TMC7: variants seen among roughly 807,000 people sequenced by gnomAD.
TMC7 encodes the protein transmembrane channel like 7.
In TMC7, 54 loss-of-function variants were observed where a neutral mutation model predicts 82.9. The ratio of observed to expected loss-of-function variants is 0.65; its 90% CI spans 0.52 to 0.82. The LOEUF (loss-of-function observed/expected upper bound fraction) is 0.82. TMC7 is among the 40% of genes least tolerant of loss of function. TMC7 has a pLI of 0.00. For synonymous variants in TMC7, 350 were observed against 337.9 expected, an observed-to-expected ratio of 1.04 and a Z score of -0.39; for missense variants, 820 against 901.2, an observed-to-expected ratio of 0.91 and a Z score of 1.15.
At chr16:19,024,152 C>T (rs925364476) in intron 5 of TMC7, among the ~76,000 whole-genome samples, 2 of 152,106 alleles carry the variant, frequency 1.3e-5, no homozygotes, top group African/African-American at 4.8e-5. Context: ...TGATTTTGGC[C>T]AGGCGCAGTG....
intron 1 of TMC7, among the ~76,000 whole-genome samples, chr16:19,000,606 A>G (rs993971289): frequency 5.3e-5 from 8 of 152,248 alleles, no homozygotes; most frequent in African/African-American, 1.4e-4. Context: ...ATTTCATGAG[A>G]AGAAAAAGCA....
intron 12 of TMC7, 120 bp from the exon 13 acceptor site, chr16:19,051,566 A>C: frequency 8.5e-7 from 1 of 1,174,414 alleles, no homozygotes; most frequent in South Asian, 1.5e-5. Context: ...GTATTGCTGG[A>C]CTACCCTCTG....
chr16:19,007,059 A>G (rs1021466812), intron 1 of TMC7, among the ~76,000 whole-genome samples: 1 of 151,624 alleles, frequency 6.6e-6, no homozygotes, highest in South Asian at 2.1e-4. Flanking sequence ...TCCCCACCTC[A>G]GGTGATCCGC....
chr16:18,995,632 C>T (rs553185908), intron 1 of TMC7, among the ~76,000 whole-genome samples: 27 of 152,286 alleles, frequency 1.8e-4, no homozygotes, highest in African/African-American at 4.8e-4. Context: ...AACGCCTGGC[C>T]GCTGCGGTTC....
chr16:19,035,755 T>G lies in TMC7; in HGVS notation c.937T>G (p.Trp313Gly). ...QSYCNKIFAG[W>G]DFCITNRSMA... Reference sequence around the variant, plus strand: ...TTACTGCAACAAGATATTTGCCGGCTGGGACTTCTGCATCACTAACCGCAG... The same window carrying G: ...TTACTGCAACAAGATATTTGCCGGCGGGGACTTCTGCATCACTAACCGCAG... Residue 313 changes from tryptophan to glycine, a missense_variant, in exon 7 of 16, where the codon TGG becomes GGG. Physicochemically the swap from Trp to Gly is radical, Grantham distance 184. Transcript: ENST00000304381. The G allele has an allele frequency of 6.2e-7, 1 of 1,613,668 alleles. No homozygotes were observed. The highest frequency in any genetic ancestry group is 8.5e-7 in the Non-Finnish European group (1 of 1,179,830).
intron 15 of TMC7, among the ~76,000 whole-genome samples, chr16:19,061,485 A>G (rs190765461): frequency 2.8e-5 from 4 of 143,900 alleles, no homozygotes; most frequent in Non-Finnish European, 6.1e-5. Flanking sequence ...GGGTTTTACT[A>G]TATTGGTCAG....
At chr16:19,023,849 C>G (rs1414337207) in intron 5 of TMC7, among the ~76,000 whole-genome samples, 1 of 152,248 alleles carries the variant, frequency 6.6e-6, no homozygotes, top group East Asian at 1.9e-4. Flanking sequence ...TACAATTTCT[C>G]TGACACCGAT....
intron 11 of TMC7, among the ~76,000 whole-genome samples, 153 bp downstream of exon 11, chr16:19,045,591 C>CT (rs58444252): frequency 6.4e-5 from 5 of 77,746 alleles, no homozygotes; most frequent in African/African-American, 2.0e-4. Context: ...TGGTAACTTT[C>CT]TTTTTTTTTT....
At chr16:19,061,727 G>C (rs762608894) in intron 15 of TMC7, 51 bp from the exon 16 acceptor site, 1 of 1,491,430 alleles carries the variant, frequency 6.7e-7, no homozygotes, top group Non-Finnish European at 9.3e-7. Flanking sequence ...GGTAATGATG[G>C]TATTTGTTTC....
intron 1 of TMC7, among the ~76,000 whole-genome samples, chr16:19,004,103 G>A (rs1364531095): frequency 2.0e-5 from 3 of 152,060 alleles, no homozygotes; most frequent in Admixed American, 6.6e-5. Context: ...CTGCAGGTTG[G>A]CGTGAGAAAT....
intron 1 of TMC7, among the ~76,000 whole-genome samples, chr16:18,997,022 A>C (rs2039055167): frequency 6.6e-6 from 1 of 152,240 alleles, no homozygotes; most frequent in Non-Finnish European, 1.5e-5. Context: ...AAGGGTAGCG[A>C]GAGAGGCCAG....
Position 19,009,159 on chromosome 16 carries a change from T to C in TMC7, c.68-13T>C. ...CACTGGAGTGAATGATGACTTTCTT[T>C]TCTTTTACATAGAGAACCTCTCTCT... On this transcript the variant is annotated splice_polypyrimidine_tract_variant and intron_variant, in intron 1 of 15. Coordinates refer to ENST00000304381, the MANE Select transcript of TMC7 (RefSeq NM_024847.4). 1.2e-6 allele frequency: 2 copies of C among 1,607,962 alleles called. No homozygotes were observed. The highest frequency in any genetic ancestry group is 1.7e-6 in the Non-Finnish European group (2 of 1,175,952).
At chr16:19,056,822 A>G in intron 14 of TMC7, 125 bp downstream of exon 14, 1 of 1,138,388 alleles carries the variant, frequency 8.8e-7, no homozygotes, top group Non-Finnish European at 1.2e-6. Flanking sequence ...GCACTTTCCC[A>G]TCTCTAAAAT....
chr16:19,008,323 C>T (rs1358850817), intron 1 of TMC7, among the ~76,000 whole-genome samples: 2 of 152,186 alleles, frequency 1.3e-5, no homozygotes, highest in South Asian at 2.1e-4. Context: ...GATATAGAAA[C>T]GATAAGGGTT....
intron 8 of TMC7, among the ~76,000 whole-genome samples, chr16:19,039,930 A>C (rs1960931060): frequency 6.6e-6 from 1 of 152,008 alleles, no homozygotes; most frequent in African/African-American, 2.4e-5. Flanking sequence ...AGCCTGACCA[A>C]CATGGTGACA....
intron 1 of TMC7, among the ~76,000 whole-genome samples, chr16:18,992,054 C>G (rs1480331807): frequency 1.3e-5 from 2 of 152,148 alleles, no homozygotes; most frequent in Non-Finnish European, 2.9e-5. Flanking sequence ...CCACGATAAA[C>G]ATACGTGTGC....
intron 4 of TMC7, among the ~76,000 whole-genome samples, chr16:19,022,245 T>C (rs547458250): frequency 2.0e-5 from 3 of 152,334 alleles, no homozygotes; most frequent in African/African-American, 7.2e-5. Flanking sequence ...GAAAGAGATG[T>C]TACTGTATTG....
chr16:18,987,786 G>T (rs1340644843), intron 1 of TMC7, among the ~76,000 whole-genome samples: 3 of 152,120 alleles, frequency 2.0e-5, no homozygotes, highest in Admixed American at 6.6e-5. Flanking sequence ...TGGTTATAAA[G>T]CTAGACTCTG....
At position 18,998,465 on chromosome 16, in the gene TMC7, AG is replaced by A. The variant is rs202209404; in HGVS notation, c.68-10703del. Reference sequence around the variant, plus strand: ...CAGATGCTCCACGGGCATGAAAAGCAGGGGCTTGGCTGGACGCGGTGGCTCA... The same window carrying A: ...CAGATGCTCCACGGGCATGAAAAGCAGGGCTTGGCTGGACGCGGTGGCTCA... On this transcript the variant is annotated intron_variant, in intron 1 of 15. Coordinates refer to ENST00000304381, the MANE Select transcript of TMC7 (RefSeq NM_024847.4). Among the ~76,000 whole-genome samples the A allele has an allele frequency of 4.1e-3, 626 of 152,290 alleles. 3 individuals carry two copies. The highest frequency in any genetic ancestry group is 0.01 in the Middle Eastern group (3 of 294).
Sources: allele counts gnomAD v4.1 joint callset (sites outside exome capture counted in the v4.1 genomes callset), GRCh38; gene constraint gnomAD v4.1.1; transcripts MANE v1.5; gene names NCBI Gene and HGNC (gene_info 2026-07-23, HGNC 2026-07-21).